TGM7: variants seen among roughly 807,000 people sequenced by gnomAD.
TGM7 encodes the protein protein-glutamine gamma-glutamyltransferase Z.
In TGM7, 74 loss-of-function variants were observed where a neutral mutation model predicts 79.5. That is an observed-to-expected ratio of 0.93 (90% CI 0.77 to 1.13). The LOEUF is 1.13. Among genes scored for constraint, TGM7 ranks in the 50% most tolerant of loss-of-function variants. The pLI, the probability that TGM7 is intolerant of heterozygous loss-of-function variation, is 0.00. For synonymous variants in TGM7, 354 were observed against 362.5 expected (o/e 0.98, Z 0.27); for missense variants, 912 against 905.9 (o/e 1.01, Z -0.09).
In TGM7 at chr15:43,292,707, A is replaced by C. The variant is rs142979320; in HGVS notation, c.439+2T>G. The C allele has an allele frequency of 2.9e-4, 468 of 1,613,852 alleles. No individual in the cohort carries two copies. The highest frequency in any genetic ancestry group is 3.6e-4 in the Non-Finnish European group (430 of 1,179,948). ...GCAATACAAGCTGTGGGCACATCCT[A>C]CCTGGACTCCAAGGGTTAAAAAGTA... is the stretch of plus-strand genomic sequence containing the variant. On this transcript the variant is annotated splice_donor_variant, in intron 3 of 12. Transcript: ENST00000452443. LOFTEE classifies it high-confidence loss of function.
At chr15:43,294,360 C>T (rs978186361) in intron 1 of TGM7, among the ~76,000 whole-genome samples, 1 of 152,158 alleles carries the variant, frequency 6.6e-6, no homozygotes, top group African/African-American at 2.4e-5. Flanking sequence ...AGGCAGTGGG[C>T]AGGTTCTGGA....
intron 4 of TGM7, among the ~76,000 whole-genome samples, chr15:43,290,351 G>C (rs2042957396): frequency 6.6e-6 from 1 of 152,084 alleles, no homozygotes; most frequent in African/African-American, 2.4e-5. Context: ...TTTTTGTCAG[G>C]TTTGTCAAAG....
At chr15:43,297,521 A>AC (rs1216150641) in intron 1 of TGM7, among the ~76,000 whole-genome samples, 1 of 140,942 alleles carries the variant, frequency 7.1e-6, no homozygotes, top group African/African-American at 2.9e-5. Context: ...GAAGGAAGGA[A>AC]GGAAAGAAAG....
rs2042914522 is a variant in TGM7 at position 43,282,501 on chromosome 15, A to C, written c.1108+16T>G. On this transcript the variant is annotated intron_variant, in intron 8 of 12. Transcript: ENST00000452443. ...TCCCCACAGAGCCAGAGCCTGTTGCAATGGTCCTCACTCACCACTGCTGGT... is the reference window on the plus strand; with the variant it reads ...TCCCCACAGAGCCAGAGCCTGTTGCCATGGTCCTCACTCACCACTGCTGGT... The C allele has an allele frequency of 3.2e-6, 5 of 1,568,982 alleles. No individual in the cohort carries two copies. The highest frequency in any genetic ancestry group is 3.5e-6 in the Non-Finnish European group (4 of 1,155,078).
intron 1 of TGM7, among the ~76,000 whole-genome samples, chr15:43,297,461 GAGAAAGAGAGAC>G (rs2043002146): frequency 7.0e-6 from 1 of 143,292 alleles, no homozygotes; most frequent in Admixed American, 7.1e-5. Context: ...TCAAAAAAGA[GAGAAAGAGAGAC>G]AGAAAGAGAG....
intron 11 of TGM7, 71 bp from the exon 12 acceptor site, chr15:43,277,066 AC>A: frequency 6.4e-7 from 1 of 1,559,808 alleles, no homozygotes; most frequent in Non-Finnish European, 8.7e-7. Flanking sequence ...AGTTACCCCC[AC>A]CCCCAGGTCC....
intron 1 of TGM7, among the ~76,000 whole-genome samples, chr15:43,296,203 A>G (rs749561547): frequency 2.6e-5 from 4 of 152,206 alleles, no homozygotes; most frequent in Non-Finnish European, 4.4e-5. Context: ...AGGCGGGCAG[A>G]TCACGAGGTC....
chr15:43,276,523 T>A lies in TGM7; in HGVS notation c.2065A>T (p.Ser689Cys). 6.2e-7 allele frequency: 1 copy of A among 1,614,150 alleles called. No individual in the cohort carries two copies. The highest frequency in any genetic ancestry group is 8.5e-7 in the Non-Finnish European group (1 of 1,180,006). ...AGPRQLQVLI[S>C]SNEVKEIKGY... ...TTGATCTCCTTGACCTCGTTGCTGC[T>A]GATGAGAACCTGGAGCTGGCGGGGT... The change falls in exon 13 of 13, where the codon AGC becomes TGC. Residue 689 changes from serine to cysteine, a missense_variant. Ser to Cys is a moderately radical substitution (Grantham distance 112, BLOSUM62 -1). Coordinates refer to ENST00000452443, the MANE Select transcript of TGM7 (RefSeq NM_052955.3).
chr15:43,297,353 C>T (rs746083419), intron 1 of TGM7, among the ~76,000 whole-genome samples: 4 of 151,420 alleles, frequency 2.6e-5, no homozygotes, highest in Non-Finnish European at 4.4e-5. Context: ...CTCAGGAGGC[C>T]GAGGCAGGAG....
At position 43,276,469 on chromosome 15, in the gene TGM7, C is replaced by G; in HGVS notation, c.2119G>C (p.Ala707Pro). The G allele has an allele frequency of 6.2e-7, 1 of 1,613,126 alleles. No individual in the cohort carries two copies. The highest frequency in any genetic ancestry group is 1.1e-5 in the South Asian group (1 of 90,908). The change falls in exon 13 of 13, where the codon GCT becomes CCT. Residue 707 changes from alanine (A) to proline (P), a missense_variant. By Grantham distance (27) the Ala-to-Pro change is conservative. Transcript: ENST00000452443. ...GAGGGCGGGTCTCAGGGAGCCCCAG[C>G]CACAGTGACGAAGATGTCCTTGTAG... ...KGYKDIFVTV[A>P]GAP
rs199638924 is a variant in TGM7, at chr15:43,279,208, C to T, written c.1748G>A (p.Arg583His). 49 of 1,614,158 alleles carry T rather than the reference C, an allele frequency of 3.0e-5. No individual in the cohort carries two copies. The highest frequency in any genetic ancestry group is 2.8e-4 in the African/African-American group (21 of 75,036). Reference sequence around the variant, plus strand: ...TTCAACCTCCGCGATGCCAGACACGCGGATGAGCTTTTCGTCCGTTAGCTT... The same window carrying T: ...TTCAACCTCCGCGATGCCAGACACGTGGATGAGCTTTTCGTCCGTTAGCTT... The part of the protein sequence containing the change: ...RNKLTDEKLI[R>H]VSGIAEVEET... Residue 583 changes from arginine to histidine, a missense_variant, in exon 11 of 13, where the codon CGC (arginine) becomes CAC (histidine). Transcript: ENST00000452443.
Position 43,302,224 on chromosome 15 carries a change from C to T in TGM7, c.10+17G>A, listed in dbSNP as rs754850016. The T allele has an allele frequency of 5.6e-6, 9 of 1,614,134 alleles. No individual in the cohort carries two copies. In the East Asian group the frequency reaches 6.7e-5, roughly 12 times the overall value. On this transcript the variant is annotated intron_variant, in intron 1 of 12. Coordinates refer to ENST00000452443, the MANE Select transcript of TGM7 (RefSeq NM_052955.3). ...ACTTAGCACCTCCGAAAAGGTAAGT[C>T]GATTCCCAGTACTCACCCTGATCCA...
rs372074190 is a variant in TGM7 at position 43,287,897 on chromosome 15, A to G, written c.559-228T>C. Among the ~76,000 whole-genome samples, 30 of 152,294 alleles carry G rather than the reference A, an allele frequency of 2.0e-4. No individual in the cohort carries two copies. In the East Asian group the frequency reaches 5.4e-3, roughly 27 times the overall value. ...CTAAACTGCGTGGTTCTGATGAAAA[A>G]TGGAAACAGAATTCGGAGAGTGAGA... On this transcript the variant is annotated intron_variant, in intron 4 of 12. Coordinates refer to ENST00000452443, the MANE Select transcript of TGM7 (RefSeq NM_052955.3).
chr15:43,298,975 A>G (rs1271510767), intron 1 of TGM7, among the ~76,000 whole-genome samples: 1 of 152,044 alleles, frequency 6.6e-6, no homozygotes, highest in Non-Finnish European at 1.5e-5. Flanking sequence ...TCCAACAAAG[A>G]GGGCACCAAT....
Position 43,292,944 on chromosome 15 carries a change from C to T in TGM7, c.204G>A (p.Pro68=), listed in dbSNP as rs374044566. The part of the protein sequence containing the change: ...ITFVAETGPK[P]SELLGTRATF... ...TGGCTCGGGTCCCCAGCAGCTCTGA[C>T]GGCTTGGGTCCTGTGTAGGAGAGAA... The change falls in exon 3 of 13, where the codon CCG becomes CCA. Residue 68 remains proline (P), a synonymous_variant. Transcript: ENST00000452443. 19 of 1,613,154 alleles carry T rather than the reference C, an allele frequency of 1.2e-5. No homozygotes were observed. The highest frequency in any genetic ancestry group is 1.4e-5 in the Non-Finnish European group (17 of 1,179,890).
intron 11 of TGM7, among the ~76,000 whole-genome samples, chr15:43,278,448 T>C (rs2142400817): frequency 6.6e-6 from 1 of 152,322 alleles, no homozygotes; most frequent in African/African-American, 2.4e-5. Flanking sequence ...ACCTCAATCT[T>C]GTCAATACTC....
At position 43,282,084 on chromosome 15, in the gene TGM7, G is replaced by T; in HGVS notation, c.1111C>A (p.Leu371Met). 1 of 1,613,832 alleles carries T rather than the reference G, an allele frequency of 6.2e-7. No homozygotes were observed. Among genetic ancestry groups the T allele is most frequent in the Non-Finnish European group, 8.5e-7 (1 of 1,179,778 alleles). The stretch of plus-strand genomic sequence containing the variant: ...ACAGAGGCAGGGCCACAGCAGAACA[G>T]CCCTGTGGAGGCAACAGGCTACTGA... ...DPTPQQTSSG[L>M]FCCGPASVKA... Residue 371 changes from leucine (L) to methionine (M), a missense_variant and splice_region_variant, in exon 9 of 13, where the codon CTG becomes ATG. Physicochemically the swap from Leu to Met is conservative, Grantham distance 15. Transcript: ENST00000452443.
intron 1 of TGM7, among the ~76,000 whole-genome samples, chr15:43,301,314 T>C (rs1209153602): frequency 6.6e-6 from 1 of 151,034 alleles, no homozygotes; most frequent in African/African-American, 2.4e-5. Flanking sequence ...TAGAACATGA[T>C]ACATGCTTTA....
chr15:43,288,971 GC>G (rs1314578484), intron 4 of TGM7, among the ~76,000 whole-genome samples: 2 of 151,858 alleles, frequency 1.3e-5, no homozygotes, highest in Non-Finnish European at 2.9e-5. Context: ...GGGGATGGAG[GC>G]AGAAGAGTAC....
Sources: gnomAD v4.1 joint callset for allele counts (sites outside exome capture counted in the v4.1 genomes callset) on GRCh38, gnomAD v4.1.1 for gene constraint, MANE v1.5 for transcripts, NCBI Gene and HGNC (gene_info 2026-07-23, HGNC 2026-07-21) for gene names.